PLEKHA5: variants seen among roughly 807,000 people sequenced by gnomAD.
PLEKHA5 encodes the protein pleckstrin homology domain containing A5, also known as pleckstrin homology domain-containing family A member 5.
In PLEKHA5, 55 loss-of-function variants were observed where a neutral mutation model predicts 181.9. The observed-to-expected ratio is 0.30, with a 90% CI of 0.24 to 0.38. The LOEUF (loss-of-function observed/expected upper bound fraction) is 0.38, where lower values mean the gene tolerates loss of function less well. Ranked by LOEUF, PLEKHA5 falls within the 10% of genes least tolerant of loss-of-function variation. The pLI is 1.00. For synonymous variants in PLEKHA5, 535 were observed against 529.4 expected, an observed-to-expected ratio of 1.01 and a Z score of -0.15; for missense variants, 1,432 against 1,549.5, an observed-to-expected ratio of 0.92 and a Z score of 1.27.
At chr12:19,210,336 A>G (rs1339045187) in intron 3 of PLEKHA5, among the ~76,000 whole-genome samples, 1 of 152,236 alleles carries the variant, frequency 6.6e-6, no homozygotes, top group African/African-American at 2.4e-5. Flanking sequence ...TTCAAAATCT[A>G]CTTTGTAAAG....
At chr12:19,256,399 C>T in intron 5 of PLEKHA5, among the ~76,000 whole-genome samples, 1 of 152,080 alleles carries the variant, frequency 6.6e-6, no homozygotes. Flanking sequence ...ATCATGAGAA[C>T]AATTATTTTA....
intron 3 of PLEKHA5, among the ~76,000 whole-genome samples, chr12:19,228,195 C>T (rs1226281993): frequency 3.3e-5 from 5 of 152,188 alleles, no homozygotes; most frequent in Non-Finnish European, 5.9e-5. Context: ...GATTATAACC[C>T]TTGTCTCTTT....
chr12:19,286,412 A>G (rs1442599948), intron 12 of PLEKHA5, among the ~76,000 whole-genome samples: 1 of 152,222 alleles, frequency 6.6e-6, no homozygotes, highest in African/African-American at 2.4e-5. Context: ...ATGAACATCT[A>G]TAATTATCAA....
At chr12:19,249,769 C>T (rs2064771290) in intron 3 of PLEKHA5, among the ~76,000 whole-genome samples, 2 of 152,176 alleles carry the variant, frequency 1.3e-5, no homozygotes, top group African/African-American at 4.8e-5. Flanking sequence ...AGTGGAGGAG[C>T]TGGGATTCAA....
chr12:19,215,308 A>G (rs1301480139), intron 3 of PLEKHA5, among the ~76,000 whole-genome samples: 1 of 152,184 alleles, frequency 6.6e-6, no homozygotes, highest in African/African-American at 2.4e-5. Flanking sequence ...TTTTAAATGT[A>G]AAATATAAAA....
intron 3 of PLEKHA5, among the ~76,000 whole-genome samples, chr12:19,204,461 G>A (rs1024569352): frequency 3.3e-5 from 5 of 152,088 alleles, no homozygotes; most frequent in African/African-American, 1.2e-4. Context: ...TGGAGCAGAG[G>A]AGAAAACTTC....
At chr12:19,187,791 C>A (rs575889105) in intron 3 of PLEKHA5, among the ~76,000 whole-genome samples, 1 of 152,020 alleles carries the variant, frequency 6.6e-6, no homozygotes, top group East Asian at 1.9e-4. Context: ...AGGTGTAGAA[C>A]CCATAAAGGT....
intron 20 of PLEKHA5, among the ~76,000 whole-genome samples, chr12:19,327,254 T>TG (rs1555163714): frequency 1.1e-3 from 162 of 150,294 alleles, no homozygotes; most frequent in African/African-American, 3.6e-3. Flanking sequence ...TTTGTTTTTT[T>TG]TTTTTTTTTT....
intron 15 of PLEKHA5, among the ~76,000 whole-genome samples, chr12:19,308,633 A>G (rs1456466431): frequency 6.6e-6 from 1 of 152,176 alleles, no homozygotes; most frequent in Non-Finnish European, 1.5e-5. Context: ...CACTGACTGC[A>G]TGTTATTGTG....
intron 12 of PLEKHA5, 102 bp from the exon 13 acceptor site, chr12:19,287,371 T>A (rs2077446445): frequency 1.3e-6 from 1 of 751,418 alleles, no homozygotes. Context: ...ATAGCAATTT[T>A]AAATGGTATT....
In PLEKHA5 at chr12:19,301,328, A is replaced by G. The variant is rs373073828; in HGVS notation, c.2037+9631A>G. 1.8e-4 allele frequency among the ~76,000 whole-genome samples: 27 copies of G among 152,328 alleles called. No homozygotes were observed. The South Asian group carries it at 5.2e-3, about 29-fold the overall frequency. Reference sequence around the variant, plus strand: ...AAAGAAGAAAATGTGACAATTTCAAACCTTATGTTCACAGTAAAAGATTTT... The same window carrying G: ...AAAGAAGAAAATGTGACAATTTCAAGCCTTATGTTCACAGTAAAAGATTTT... On this transcript the variant is annotated intron_variant, in intron 15 of 31. Coordinates refer to ENST00000429027, the MANE Select transcript of PLEKHA5 (RefSeq NM_001256470.2).
intron 29 of PLEKHA5, among the ~76,000 whole-genome samples, chr12:19,362,062 G>A (rs188544550): frequency 8.6e-5 from 13 of 150,440 alleles, no homozygotes; most frequent in African/African-American, 2.2e-4. Flanking sequence ...GTCTGTACTC[G>A]GAGGCTGAGG....
intron 30 of PLEKHA5, among the ~76,000 whole-genome samples, chr12:19,366,703 G>A (rs1266291956): frequency 2.0e-5 from 3 of 152,040 alleles, no homozygotes; most frequent in Non-Finnish European, 4.4e-5. Context: ...CTGTTCTCAG[G>A]GCTAGATTCT....
chr12:19,132,428 GA>G lies in PLEKHA5; in HGVS notation c.207del (p.Gly70ValfsTer6). The G allele has an allele frequency of 6.4e-7, 1 of 1,559,692 alleles. No homozygotes were observed. The highest frequency in any genetic ancestry group is 8.8e-7 in the Non-Finnish European group (1 of 1,141,600). ...PTGWEEAYTF[E>X]GARYYINHNE... is the part of the protein sequence containing the mutation. ...TGGCTGGGAAGAAGCATATACTTTT[GA>G]AGGTGCAAGATACTATATAAAGTGA... On this transcript the variant is annotated frameshift_variant, in exon 3 of 32. Transcript: ENST00000429027. LOFTEE classifies it high-confidence loss of function.
chr12:19,216,662 CAA>C (rs1171983389), intron 3 of PLEKHA5, among the ~76,000 whole-genome samples: 8 of 96,362 alleles, frequency 8.3e-5, no homozygotes, highest in African/African-American at 7.7e-5. Context: ...GAATCCATCT[CAA>C]AAAAAAAAAA....
chr12:19,149,080 G>A (rs563409930), intron 3 of PLEKHA5, among the ~76,000 whole-genome samples: 39 of 152,226 alleles, frequency 2.6e-4, no homozygotes, highest in African/African-American at 9.4e-4. Flanking sequence ...TACAGAAGAT[G>A]ACCCTGAAAT....
chr12:19,194,586 A>G (rs940078657), intron 3 of PLEKHA5, among the ~76,000 whole-genome samples: 1 of 152,192 alleles, frequency 6.6e-6, no homozygotes, highest in Non-Finnish European at 1.5e-5. Flanking sequence ...ATATGAAAGA[A>G]TGGTCTGGAG....
chr12:19,293,061 AT>A (rs376952864), intron 15 of PLEKHA5, among the ~76,000 whole-genome samples: 156 of 152,194 alleles, frequency 1.0e-3, no homozygotes, highest in African/African-American at 3.3e-3. Context: ...CATTGAATAC[AT>A]TTTTTTATAT....
rs1565525629 is a variant in PLEKHA5, at chr12:19,254,963, C to A, written c.312-82C>A. The stretch of plus-strand genomic sequence containing the variant: ...AAGTACTGTGAAAAAGTAGGACACT[C>A]GCATTGTTAACTGTAGAGAAGTGTA... On this transcript the variant is annotated intron_variant, in intron 4 of 31. Transcript: ENST00000429027. The A allele has an allele frequency of 1.2e-5, 14 of 1,197,684 alleles. No individual in the cohort carries two copies. In the South Asian group the frequency reaches 2.5e-4, roughly 21 times the overall value. 74.2% of individuals were successfully genotyped at this position (1,197,684 alleles called of 1,614,324 possible).
Sources: allele counts gnomAD v4.1 joint callset (sites outside exome capture counted in the v4.1 genomes callset), GRCh38; gene constraint gnomAD v4.1.1; transcripts MANE v1.5; gene names NCBI Gene and HGNC (gene_info 2026-07-23, HGNC 2026-07-21).